BABAM2: variants seen among roughly 807,000 people sequenced by gnomAD.
The protein encoded by BABAM2 is BRISC and BRCA1 A complex member 2, also known as BRISC and BRCA1-A complex member 2.
Under a neutral mutation model 54.7 loss-of-function variants are expected in BABAM2, and 31 were observed. That is an observed-to-expected ratio of 0.57 (90% CI 0.43 to 0.77). The LOEUF is 0.77. Among genes scored for constraint, BABAM2 ranks in the 30% least tolerant of loss-of-function variants. The probability of loss-of-function intolerance (pLI) is 0.00; values close to 1 mark genes in which losing one functional copy is unlikely to be tolerated. For synonymous variants in BABAM2, 167 were observed against 162.9 expected (o/e 1.03, Z -0.19); for missense variants, 364 against 455.8 (o/e 0.80, Z 1.83).
chr2:27,922,715 A>T (rs1269934097), intron 2 of BABAM2, among the ~76,000 whole-genome samples: 1 of 152,206 alleles, frequency 6.6e-6, no homozygotes, highest in Admixed American at 6.5e-5. Flanking sequence ...TGTTCTTGTT[A>T]CTGCTATATT....
At chr2:27,987,591 G>C (rs1672489493) in intron 3 of BABAM2, among the ~76,000 whole-genome samples, 1 of 152,094 alleles carries the variant, frequency 6.6e-6, no homozygotes, top group African/African-American at 2.4e-5. Flanking sequence ...GAGGTGGGTT[G>C]ATCGCTTGAG....
At chr2:28,056,266 G>A (rs1678404355) in intron 6 of BABAM2, among the ~76,000 whole-genome samples, 1 of 152,024 alleles carries the variant, frequency 6.6e-6, no homozygotes, top group Non-Finnish European at 1.5e-5. Flanking sequence ...CAGCTGCTCT[G>A]GCCATAAAAA....
intron 7 of BABAM2, among the ~76,000 whole-genome samples, chr2:28,191,100 T>G (rs140253024): frequency 0.013 from 2,007 of 152,156 alleles, 29 homozygotes; most frequent in South Asian, 0.05. Context: ...CAAAGAACTG[T>G]TACAACTTAG....
At position 28,180,501 on chromosome 2, in the gene BABAM2, C is replaced by T. The variant is rs905956311; in HGVS notation, c.680+51121C>T. On this transcript the variant is annotated intron_variant, in intron 7 of 11. Transcript: ENST00000379624. ...TGAAGACTAAACATAAGACCTGAAG[C>T]TATAAAACTACTAGAAGAAAACGTA... Among the ~76,000 whole-genome samples the T allele has an allele frequency of 3.8e-4, 57 of 151,988 alleles. 3 individuals carry two copies. Among genetic ancestry groups the T allele is most frequent in the Non-Finnish European group, 1.5e-5 (1 of 67,980 alleles).
intron 10 of BABAM2, among the ~76,000 whole-genome samples, chr2:28,277,775 A>G (rs899548968): frequency 6.6e-6 from 1 of 152,252 alleles, no homozygotes; most frequent in African/African-American, 2.4e-5. Context: ...TCAACTCAGC[A>G]AACATTTGAG....
At chr2:28,140,579 G>T (rs1670953976) in intron 7 of BABAM2, among the ~76,000 whole-genome samples, 1 of 152,240 alleles carries the variant, frequency 6.6e-6, no homozygotes, top group Admixed American at 6.5e-5. Flanking sequence ...CCTAGGGATA[G>T]AAGTAATACT....
intron 7 of BABAM2, among the ~76,000 whole-genome samples, chr2:28,184,263 C>T (rs868456201): frequency 2.6e-3 from 155 of 59,320 alleles, no homozygotes; most frequent in Middle Eastern, 0.031. Flanking sequence ...TCCCTCCCTC[C>T]CTCTCTCTCT....
chr2:27,902,398 A>C (rs935643135), intron 2 of BABAM2, among the ~76,000 whole-genome samples: 6 of 152,244 alleles, frequency 3.9e-5, no homozygotes, highest in Admixed American at 2.6e-4. Context: ...CAAAACTTTG[A>C]AAGCTACCCA....
chr2:28,063,790 T>C (rs988099651), intron 6 of BABAM2, among the ~76,000 whole-genome samples: 2 of 152,238 alleles, frequency 1.3e-5, no homozygotes, highest in Non-Finnish European at 2.9e-5. Context: ...TTTTTTTATG[T>C]GAGTATGATT....
intron 7 of BABAM2, among the ~76,000 whole-genome samples, chr2:28,136,747 C>A (rs1670581352): frequency 6.6e-6 from 1 of 152,140 alleles, no homozygotes; most frequent in Non-Finnish European, 1.5e-5. Context: ...GCCTTTACCC[C>A]ACAGCGTGCC....
At chr2:28,259,533 A>C (rs1294551373) in intron 10 of BABAM2, among the ~76,000 whole-genome samples, 2 of 152,186 alleles carry the variant, frequency 1.3e-5, no homozygotes, top group African/African-American at 4.8e-5. Flanking sequence ...GTGTTCTGCA[A>C]ATATTGGTTG....
At chr2:28,184,995 T>A (rs1676128853) in intron 7 of BABAM2, among the ~76,000 whole-genome samples, 1 of 152,206 alleles carries the variant, frequency 6.6e-6, no homozygotes, top group Admixed American at 6.5e-5. Flanking sequence ...GCCTTGACTA[T>A]CCTGAAACTT....
chr2:28,009,999 AG>A (rs1294156297), intron 4 of BABAM2, among the ~76,000 whole-genome samples: 1 of 152,148 alleles, frequency 6.6e-6, no homozygotes, highest in East Asian at 1.9e-4. Flanking sequence ...AAGCCAGTGA[AG>A]GCCTCCTGTC....
intron 3 of BABAM2, among the ~76,000 whole-genome samples, chr2:27,948,752 C>CTT (rs1163199536): frequency 2.0e-5 from 3 of 151,994 alleles, no homozygotes; most frequent in Non-Finnish European, 2.9e-5. Context: ...GCCTGGATGA[C>CTT]AGAGTGAGAC....
chr2:28,005,702 A>C (rs1673905876), intron 4 of BABAM2, among the ~76,000 whole-genome samples: 1 of 152,132 alleles, frequency 6.6e-6, no homozygotes, highest in Non-Finnish European at 1.5e-5. Flanking sequence ...TCAAAACAAC[A>C]AAATTAATTA....
At chr2:27,997,338 G>C (rs1196616201) in intron 4 of BABAM2, among the ~76,000 whole-genome samples, 1 of 152,122 alleles carries the variant, frequency 6.6e-6, no homozygotes, top group African/African-American at 2.4e-5. Flanking sequence ...TTTTGGTGGA[G>C]AACTGGTTTG....
intron 11 of BABAM2, chr2:28,307,853 A>G (rs4666052): frequency 0.66 from 99,547 of 151,928 alleles, 32,866 homozygotes; most frequent in Middle Eastern, 0.8. Context: ...CAAATAAGCC[A>G]TCAGAGTGAC....
intron 6 of BABAM2, among the ~76,000 whole-genome samples, chr2:28,106,737 C>G (rs1436164835): frequency 6.6e-6 from 1 of 152,068 alleles, no homozygotes; most frequent in Non-Finnish European, 1.5e-5. Context: ...TACTTTTTTC[C>G]CCTTTGTCAT....
At chr2:28,131,380 C>CCCAAAGAGTGGTT (rs144248752) in intron 7 of BABAM2, among the ~76,000 whole-genome samples, 1 of 101,634 alleles carries the variant, frequency 9.8e-6, no homozygotes. Flanking sequence ...CGCGCCCGGC[C>CCCAAAGAGTGGTT]TATTATTTTT....
Sources: allele counts gnomAD v4.1 joint callset (sites outside exome capture counted in the v4.1 genomes callset), GRCh38; gene constraint gnomAD v4.1.1; transcripts MANE v1.5; gene names NCBI Gene and HGNC (gene_info 2026-07-23, HGNC 2026-07-21).